The following SERPINE3 variants were observed in gnomAD, a reference collection of about 807,000 sequenced individuals.
SERPINE3 encodes serpin E3.
Under a neutral mutation model 41.7 loss-of-function variants are expected in SERPINE3, and 43 were observed. The ratio of observed to expected loss-of-function variants is 1.03; its 90% confidence interval spans 0.81 to 1.33. SERPINE3 has a LOEUF of 1.33. Among genes scored for constraint, SERPINE3 ranks in the 40% most tolerant of loss-of-function variants. The pLI is 0.00. For synonymous variants in SERPINE3, 200 were observed against 192.2 expected, an observed-to-expected ratio of 1.04 and a Z score of -0.34; for missense variants, 440 against 491.7, an observed-to-expected ratio of 0.89 and a Z score of 0.99.
chr13:51,343,379 A>T (rs1955313548), intron 3 of SERPINE3, among the ~76,000 whole-genome samples: 1 of 152,246 alleles, frequency 6.6e-6, no homozygotes, highest in African/African-American at 2.4e-5. Flanking sequence ...TGGACTCACC[A>T]GTGGGCAAGA....
chr13:51,345,592 C>CAAAA (rs753888958), intron 4 of SERPINE3, among the ~76,000 whole-genome samples: 25 of 36,966 alleles, frequency 6.8e-4, no homozygotes, highest in South Asian at 1.2e-3. Flanking sequence ...GATTTCATCT[C>CAAAA]AAAAAAAAAA....
At chr13:51,356,079 C>G (rs1955477540) in intron 7 of SERPINE3, among the ~76,000 whole-genome samples, 1 of 152,074 alleles carries the variant, frequency 6.6e-6, no homozygotes, top group African/African-American at 2.4e-5. Context: ...TTAGATGTGA[C>G]CAGATTGACA....
rs1222826028 is a variant in SERPINE3 at position 51,361,913 on chromosome 13, C to A, written c.1171+20C>A. 1 of 1,611,688 alleles carries A rather than the reference C, an allele frequency of 6.2e-7. No individual in the cohort carries two copies. The highest frequency in any genetic ancestry group is 1.7e-5 in the Admixed American group (1 of 59,802). On this transcript the variant is annotated intron_variant, in intron 9 of 9. Coordinates refer to ENST00000681248, the MANE Select transcript of SERPINE3 (RefSeq NM_001386375.1). The stretch of plus-strand genomic sequence containing the variant: ...ACACAGGTATTACAGTATTTTTTGA[C>A]AGGATTCAGATAATTTATCAGTGTC...
chr13:51,355,272 T>A, intron 7 of SERPINE3, 129 bp downstream of exon 7: 1 of 547,284 alleles, frequency 1.8e-6, no homozygotes, highest in Non-Finnish European at 3.2e-6. Flanking sequence ...CTGTTTTATA[T>A]AAGAATGTGT....
intron 6 of SERPINE3, among the ~76,000 whole-genome samples, chr13:51,350,894 T>C (rs578093748): frequency 1.8e-4 from 27 of 152,342 alleles, no homozygotes; most frequent in African/African-American, 6.5e-4. Context: ...TTACATATTG[T>C]ACAATTATAC....
At chr13:51,342,410 T>A (rs1261477114) in intron 3 of SERPINE3, among the ~76,000 whole-genome samples, 1 of 152,158 alleles carries the variant, frequency 6.6e-6, no homozygotes, top group African/African-American at 2.4e-5. Context: ...TAGCCCTCAA[T>A]TCACAGGACT....
intron 7 of SERPINE3, among the ~76,000 whole-genome samples, chr13:51,358,436 G>A (rs1468117368): frequency 6.6e-6 from 1 of 151,966 alleles, no homozygotes; most frequent in Non-Finnish European, 1.5e-5. Flanking sequence ...AAAGAATAAC[G>A]GTGTCCACCA....
At chr13:51,356,459 T>C (rs1955483254) in intron 7 of SERPINE3, among the ~76,000 whole-genome samples, 1 of 152,214 alleles carries the variant, frequency 6.6e-6, no homozygotes, top group Non-Finnish European at 1.5e-5. Flanking sequence ...AGCTCAGCCA[T>C]GGCATCCCTG....
intron 4 of SERPINE3, among the ~76,000 whole-genome samples, chr13:51,345,895 G>A (rs1490775884): frequency 6.6e-6 from 1 of 152,236 alleles, no homozygotes; most frequent in Non-Finnish European, 1.5e-5. Context: ...AGAGCACAGA[G>A]TCCAGAGCCA....
At chr13:51,361,468 T>C (rs1732496073) in intron 8 of SERPINE3, 104 bp downstream of exon 8, 1 of 772,166 alleles carries the variant, frequency 1.3e-6, no homozygotes, top group African/African-American at 1.8e-5. Context: ...AACCCCCAAG[T>C]TCAGGTGTGG....
chr13:51,344,047 C>T (rs911287454), intron 3 of SERPINE3, among the ~76,000 whole-genome samples: 4 of 152,198 alleles, frequency 2.6e-5, no homozygotes, highest in Non-Finnish European at 4.4e-5. Context: ...AGCATGGTTT[C>T]TTCCCAACTT....
intron 6 of SERPINE3, among the ~76,000 whole-genome samples, chr13:51,350,082 C>G (rs147339386): frequency 2.0e-5 from 3 of 152,248 alleles, no homozygotes; most frequent in Non-Finnish European, 4.4e-5. Context: ...ATCACTCATT[C>G]TTCTTTTAGT....
rs1228274281 is a variant in SERPINE3 at position 51,344,456 on chromosome 13, C to G, written c.461C>G (p.Thr154Ser). Residue 154 changes from threonine (T) to serine (S), a missense_variant, in exon 4 of 10, where the codon ACT (threonine) becomes AGT (serine). By Grantham distance (58) the Thr-to-Ser change is moderately conservative. Transcript: ENST00000681248. ...GAGCCCAATAGCACCGCCATCCAGA[C>G]TAGCGAAGGGGCCTCCAGAGAGACT... ...LSEPNSTAIQ[T>S]SEGASRETAG... 3 of 1,598,878 alleles carry G rather than the reference C, an allele frequency of 1.9e-6. No homozygotes were observed. The highest frequency in any genetic ancestry group is 2.6e-6 in the Non-Finnish European group (3 of 1,172,352).
intron 7 of SERPINE3, among the ~76,000 whole-genome samples, chr13:51,356,456 C>T (rs1264831714): frequency 6.6e-6 from 1 of 152,184 alleles, no homozygotes; most frequent in Admixed American, 6.5e-5. Context: ...CAGAGCTCAG[C>T]CATGGCATCC....
chr13:51,364,113 C>A, intron 9 of SERPINE3, 126 bp from the exon 10 acceptor site: 1 of 446,326 alleles, frequency 2.2e-6, no homozygotes, highest in South Asian at 6.3e-5. Flanking sequence ...AGGCAATTAC[C>A]TTAACAATTC....
At chr13:51,340,911 C>A in intron 2 of SERPINE3, 50 bp downstream of exon 2, 1 of 633,346 alleles carries the variant, frequency 1.6e-6, no homozygotes. Context: ...GCAGCCCAGA[C>A]GGCTGGGCCT....
chr13:51,354,457 A>C (rs1289519207), intron 6 of SERPINE3: 1 of 152,152 alleles, frequency 6.6e-6, no homozygotes, highest in East Asian at 1.9e-4. Context: ...TTTTATTAAG[A>C]AATACAAATG....
chr13:51,350,557 T>C (rs1955394277), intron 6 of SERPINE3, among the ~76,000 whole-genome samples: 1 of 152,132 alleles, frequency 6.6e-6, no homozygotes, highest in Non-Finnish European at 1.5e-5. Context: ...TCAAAATGAG[T>C]TTTGCCCTTC....
chr13:51,342,486 C>A (rs150231335), intron 3 of SERPINE3, among the ~76,000 whole-genome samples: 1 of 152,324 alleles, frequency 6.6e-6, no homozygotes, highest in Non-Finnish European at 1.5e-5. Context: ...ACACAGTCAA[C>A]CTCCGGCATT....
Sources: allele counts gnomAD v4.1 joint callset (sites outside exome capture counted in the v4.1 genomes callset), GRCh38; gene constraint gnomAD v4.1.1; transcripts MANE v1.5; gene names NCBI Gene and HGNC (gene_info 2026-07-23, HGNC 2026-07-21).